Variants in RIPOR1 observed in about 807,000 individuals in gnomAD.
The protein encoded by RIPOR1 is RHO family interacting cell polarization regulator 1, also known as rho family-interacting cell polarization regulator 1.
A neutral mutation model predicts 116.5 loss-of-function variants in RIPOR1; 58 were observed. The observed-to-expected ratio is 0.50, with a 90% CI of 0.40 to 0.62. The LOEUF is 0.62. Ranked by LOEUF, RIPOR1 falls within the 20% of genes least tolerant of loss-of-function variation. RIPOR1 has a pLI of 0.00. For missense variants in RIPOR1, 1,372 were observed against 1,586.2 expected, an observed-to-expected ratio of 0.86 and a Z score of 2.29; for synonymous variants, 605 against 650.0, an observed-to-expected ratio of 0.93 and a Z score of 1.05.
intron 1 of RIPOR1, among the ~76,000 whole-genome samples, chr16:67,535,494 G>A (rs2050768799): frequency 6.6e-6 from 1 of 152,172 alleles, no homozygotes; most frequent in Non-Finnish European, 1.5e-5. Context: ...GGCTGTGCAG[G>A]GAAGGTACAG....
At chr16:67,519,434 T>A (rs575995026) in intron 1 of RIPOR1, among the ~76,000 whole-genome samples, 2 of 151,558 alleles carry the variant, frequency 1.3e-5, no homozygotes, top group African/African-American at 4.8e-5. Flanking sequence ...AGTGGGGAAG[T>A]GAGGAGAGAC....
chr16:67,545,019 T>C lies in RIPOR1; in HGVS notation c.2933T>C (p.Leu978Pro). 1 of 1,613,684 alleles carries C rather than the reference T, an allele frequency of 6.2e-7. No homozygotes were observed. The change falls in exon 17 of 22, where the codon CTC (leucine) becomes CCC (proline). Residue 978 changes from leucine to proline, a missense_variant. This residue lies in a region of RIPOR1 where 1,005 missense variants were observed against 1,144.7 expected (regional missense o/e 0.88). Coordinates refer to ENST00000042381, the MANE Select transcript of RIPOR1 (RefSeq NM_024519.4). This position sits in a 1 kb window ranked among gnomAD's most constrained non-coding sequence, Gnocchi z 4.8. ...LTFWDQCTERLSCFLCPVERV... is the reference protein window; with the variant it reads ...LTFWDQCTERPSCFLCPVERV... ...TTCTGGGACCAGTGCACAGAGAGAC[T>C]CAGCTGCTTCCTCTGCCCGGTGGAG...
At chr16:67,536,825 A>G (rs1042006281) in intron 1 of RIPOR1, among the ~76,000 whole-genome samples, 1 of 152,026 alleles carries the variant, frequency 6.6e-6, no homozygotes, top group Non-Finnish European at 1.5e-5. Flanking sequence ...CAGCCCCTCC[A>G]ATCAGCACCC....
Position 67,539,876 on chromosome 16 carries a change from C to T in RIPOR1, c.391C>T (p.Arg131Ter). 1 of 1,614,174 alleles carries T rather than the reference C, an allele frequency of 6.2e-7. No individual in the cohort carries two copies. Among genetic ancestry groups the T allele is most frequent in the Non-Finnish European group, 8.5e-7 (1 of 1,180,028 alleles). ...QVKSIERFLR[R>*]LEFHASKIDE... ...CAAGTCCATTGAACGCTTCCTGCGACGACTGGAGTTCCATGCCAGCAAGGT... is the reference window on the plus strand; with the variant it reads ...CAAGTCCATTGAACGCTTCCTGCGATGACTGGAGTTCCATGCCAGCAAGGT... The change falls in exon 6 of 22, where the codon CGA becomes TGA. Residue 131 changes from arginine (R) to a stop codon, truncating the protein, a stop_gained. Transcript: ENST00000042381. LOFTEE classifies it high-confidence loss of function.
In RIPOR1 at chr16:67,537,900, G is replaced by T. The variant is rs536335496; in HGVS notation, c.-23-524G>T. Reference sequence around the variant, plus strand: ...GGGCAGCAGGTCACGCTGGCAGGCGGGGGGCGGGCGACAAACCCGCACCGG... The same window carrying T: ...GGGCAGCAGGTCACGCTGGCAGGCGTGGGGCGGGCGACAAACCCGCACCGG... On this transcript the variant is annotated intron_variant, in intron 1 of 21. Transcript: ENST00000042381. The surrounding 1 kb of genome is among the most constrained non-coding windows in gnomAD (Gnocchi z 4.6). 6.6e-6 allele frequency among the ~76,000 whole-genome samples: 1 copy of T among 152,066 alleles called. No individual in the cohort carries two copies. The highest frequency in any genetic ancestry group is 6.5e-5 in the Admixed American group (1 of 15,286).
chr16:67,524,623 G>A (rs2050525343), upstream of RIPOR1, among the ~76,000 whole-genome samples: 1 of 151,998 alleles, frequency 6.6e-6, no homozygotes, highest in Non-Finnish European at 1.5e-5. Context: ...AGATCCTTCA[G>A]GCCTCCCCAC....
At chr16:67,534,553 C>G (rs2142468321) in intron 1 of RIPOR1, among the ~76,000 whole-genome samples, 1 of 152,286 alleles carries the variant, frequency 6.6e-6, no homozygotes, top group African/African-American at 2.4e-5. Context: ...AAATTTAACC[C>G]AGAGCAGGAA....
In RIPOR1 at chr16:67,538,816, G is replaced by C; in HGVS notation, c.249G>C (p.Arg83=). Residue 83 remains arginine (R), a synonymous_variant, in exon 3 of 22, where the codon CGG becomes CGC. Coordinates refer to ENST00000042381, the MANE Select transcript of RIPOR1 (RefSeq NM_024519.4). The part of the protein sequence containing the change: ...RLDLVYTALK[R]GLTAYLEVHQ... ...ACCTGGTGTACACGGCGCTGAAGCG[G>C]GGCCTGACGTGAGCAGCTCCTCTGT... 6.2e-7 allele frequency: 1 copy of C among 1,613,016 alleles called. No homozygotes were observed. The highest frequency in any genetic ancestry group is 8.5e-7 in the Non-Finnish European group (1 of 1,179,926).
chr16:67,543,350 G>T lies in RIPOR1; in HGVS notation c.2481G>T (p.Gln827His), dbSNP rs905754148. ...TCTGATGCCCTTCACAACCTCAGCAGAGACAAGGTCTGACTCGCAGCCGGG... is the reference window on the plus strand; with the variant it reads ...TCTGATGCCCTTCACAACCTCAGCATAGACAAGGTCTGACTCGCAGCCGGG... ...EVTRLESLLM[Q>H]RQGLTRSRAS... Residue 827 changes from glutamine (Q) to histidine (H), a missense_variant and splice_region_variant, in exon 14 of 22, where the codon CAG becomes CAT. Transcript: ENST00000042381. The surrounding 1 kb of genome is among the most constrained non-coding windows in gnomAD (Gnocchi z 4.7). 6 of 1,608,274 alleles carry T rather than the reference G, an allele frequency of 3.7e-6. No individual in the cohort carries two copies. The highest frequency in any genetic ancestry group is 5.1e-6 in the Non-Finnish European group (6 of 1,177,616).
In RIPOR1 at chr16:67,529,351, T is replaced by C. The variant is rs1461020958; in HGVS notation, c.-24+437T>C. On this transcript the variant is annotated intron_variant, in intron 1 of 21. Coordinates refer to ENST00000042381, the MANE Select transcript of RIPOR1 (RefSeq NM_024519.4). The surrounding 1 kb of genome is among the most constrained non-coding windows in gnomAD (Gnocchi z 4.1). ...GTGCGGGCCGGCCTAGGAGCTGAGC[T>C]AATCCTCCTAGCTCTAGGGGCCGGC... 1 of 161,972 alleles carries C rather than the reference T, an allele frequency of 6.2e-6. No individual in the cohort carries two copies. Among genetic ancestry groups the C allele is most frequent in the Non-Finnish European group, 1.3e-5 (1 of 74,158 alleles). The allele number at this position is 161,972 out of a possible 1,614,324, so 10.0% of individuals were successfully genotyped here. A position where few individuals can be genotyped will look rare whatever the true frequency, so the allele number is the denominator to read the frequency against.
In RIPOR1 at chr16:67,541,823, G is replaced by A. The variant is rs1188051371; in HGVS notation, c.1080+41G>A. On this transcript the variant is annotated intron_variant, in intron 12 of 21. Coordinates refer to ENST00000042381, the MANE Select transcript of RIPOR1 (RefSeq NM_024519.4). The surrounding 1 kb of genome is among the most constrained non-coding windows in gnomAD (Gnocchi z 4.6). ...GGTCCAGGCCTCACCATCCCCCAGA[G>A]GCTCCCTGGGGGTGGTTCTGAAATG... is the stretch of plus-strand genomic sequence containing the variant. The A allele has an allele frequency of 1.2e-6, 2 of 1,613,706 alleles. No homozygotes were observed. Among genetic ancestry groups the A allele is most frequent in the Non-Finnish European group, 1.7e-6 (2 of 1,179,822 alleles).
rs2142585873 is a variant in RIPOR1 at position 67,543,459 on chromosome 16, C to A, written c.2590C>A (p.Pro864Thr). 1 of 1,552,592 alleles carries A rather than the reference C, an allele frequency of 6.4e-7. No individual in the cohort carries two copies. Among genetic ancestry groups the A allele is most frequent in the Middle Eastern group, 1.7e-4 (1 of 5,996 alleles). The change falls in exon 14 of 22, where the codon CCT (proline) becomes ACT (threonine). Residue 864 changes from proline to threonine, a missense_variant. Around this residue, in one of 3 missense-constraint regions of RIPOR1, gnomAD observed 1,005 missense variants for 1,144.7 expected, o/e 0.88. Coordinates refer to ENST00000042381, the MANE Select transcript of RIPOR1 (RefSeq NM_024519.4). This position sits in a 1 kb window ranked among gnomAD's most constrained non-coding sequence, Gnocchi z 4.7. The stretch of plus-strand genomic sequence containing the variant: ...AGACGAAGATGAAGACAATGATGTT[C>A]CTGGGGACAGGTGAGGGGGCTAGGC... ...NEDEDEDNDV[P>T]GDRPPSSPEA...
At chr16:67,535,928 C>T (rs1208081602) in intron 1 of RIPOR1, among the ~76,000 whole-genome samples, 1 of 152,120 alleles carries the variant, frequency 6.6e-6, no homozygotes, top group African/African-American at 2.4e-5. Context: ...ACTGAGGTCC[C>T]TGGACCTCTT....
rs2050976263 is a variant in RIPOR1 at position 67,541,377 on chromosome 16, T to A, written c.802-53T>A. ...GCAAATTCAGACCTCAGATTTCCCA[T>A]GATCTCATAGCCCCTGCACCCTTGT... is the stretch of plus-strand genomic sequence containing the variant. On this transcript the variant is annotated intron_variant, in intron 10 of 21. Coordinates refer to ENST00000042381, the MANE Select transcript of RIPOR1 (RefSeq NM_024519.4). This position sits in a 1 kb window ranked among gnomAD's most constrained non-coding sequence, Gnocchi z 4.6. 6.4e-7 allele frequency: 1 copy of A among 1,565,136 alleles called. No individual in the cohort carries two copies. The highest frequency in any genetic ancestry group is 1.2e-5 in the South Asian group (1 of 86,096).
At position 67,537,077 on chromosome 16, in the gene RIPOR1, G is replaced by A. The variant is rs2050812798; in HGVS notation, c.-23-1347G>A. ...TTACAGGCGCGCGTCACCATGTCCG[G>A]CTAATTTTTGTATTTTTAGTAGAGA... On this transcript the variant is annotated intron_variant, in intron 1 of 21. Coordinates refer to ENST00000042381, the MANE Select transcript of RIPOR1 (RefSeq NM_024519.4). The surrounding 1 kb of genome is among the most constrained non-coding windows in gnomAD (Gnocchi z 4.6). 2.0e-5 allele frequency among the ~76,000 whole-genome samples: 3 copies of A among 152,236 alleles called. No individual in the cohort carries two copies. Among genetic ancestry groups the A allele is most frequent in the Admixed American group, 2.0e-4 (3 of 15,288 alleles).
upstream of RIPOR1, chr16:67,528,722 G>C (rs1461061931): frequency 6.6e-6 from 1 of 151,716 alleles, no homozygotes; most frequent in East Asian, 1.9e-4. Context: ...GCGAGCCGTG[G>C]GCGCCTCTAG....
At position 67,545,698 on chromosome 16, in the gene RIPOR1, G is replaced by C; in HGVS notation, c.3225G>C (p.Gln1075His). 1 of 1,582,024 alleles carries C rather than the reference G, an allele frequency of 6.3e-7. No individual in the cohort carries two copies. Among genetic ancestry groups the C allele is most frequent in the Non-Finnish European group, 8.6e-7 (1 of 1,163,816 alleles). Residue 1075 changes from glutamine to histidine, a missense_variant, in exon 19 of 22, where the codon CAG becomes CAC. Physicochemically the swap from Gln to His is conservative, Grantham distance 24. This residue lies in a region of RIPOR1 where 1,005 missense variants were observed against 1,144.7 expected (regional missense o/e 0.88). Coordinates refer to ENST00000042381, the MANE Select transcript of RIPOR1 (RefSeq NM_024519.4). This position sits in a 1 kb window ranked among gnomAD's most constrained non-coding sequence, Gnocchi z 4.8. Reference sequence around the variant, plus strand: ...TGCGGAATCTGAACTCGGATGATCAGGCTGTTGTGCTGAAGGCCCTGAGAT... The same window carrying C: ...TGCGGAATCTGAACTCGGATGATCACGCTGTTGTGCTGAAGGCCCTGAGAT... ...LLVRNLNSDD[Q>H]AVVLKALRLA... is the part of the protein sequence containing the mutation.
At chr16:67,536,172 G>C (rs2050789660) in intron 1 of RIPOR1, among the ~76,000 whole-genome samples, 1 of 152,230 alleles carries the variant, frequency 6.6e-6, no homozygotes, top group African/African-American at 2.4e-5. Context: ...GATAGGCTGG[G>C]CGCGGTGGCT....
intron 1 of RIPOR1, among the ~76,000 whole-genome samples, chr16:67,518,899 G>A (rs1026662004): frequency 4.6e-5 from 7 of 152,318 alleles, no homozygotes; most frequent in East Asian, 1.9e-4. Flanking sequence ...CCCAGCCTGC[G>A]GTCCAGGAAA....
Sources: gnomAD v4.1 joint callset for allele counts (sites outside exome capture counted in the v4.1 genomes callset) on GRCh38, gnomAD v4.1.1 for gene constraint, gnomAD v4.1.1 regional missense constraint, Gnocchi (gnomAD v3.1) non-coding constraint, MANE v1.5 for transcripts, NCBI Gene and HGNC (gene_info 2026-07-23, HGNC 2026-07-21) for gene names.